Variants in ZNF467 observed in about 807,000 individuals in gnomAD.
ZNF467 encodes the protein zinc finger protein EZI.
In ZNF467, 51 loss-of-function variants were observed where a neutral mutation model predicts 47.8. The observed-to-expected ratio is 1.07, with a 90% CI of 0.85 to 1.35. The LOEUF is 1.35. ZNF467 is among the 40% of genes most tolerant of loss of function. The pLI is 0.00. For synonymous variants in ZNF467, 416 were observed against 372.9 expected (o/e 1.12, Z -1.33); for missense variants, 992 against 858.1 (o/e 1.16, Z -1.95).
intron 1 of ZNF467, 23 bp from the exon 2 acceptor site, chr7:149,771,097 T>C: frequency 6.2e-7 from 1 of 1,609,586 alleles, no homozygotes; most frequent in South Asian, 1.1e-5. Context: ...GACAGCCTTG[T>C]TCAGATTTTT....
In ZNF467 at chr7:149,764,368, G is replaced by A. The variant is rs1799070641; in HGVS notation, c.*346C>T. ...TCATTTAGCAGCCCCAGAACTTTCC[G>A]ATTTTAACTTTAATGAAACTTTAAG... is the stretch of plus-strand genomic sequence containing the variant. On this transcript the variant is annotated 3_prime_UTR_variant, in exon 5 of 5. Coordinates refer to ENST00000302017, the MANE Select transcript of ZNF467 (RefSeq NM_207336.3). 9.0e-6 allele frequency: 5 copies of A among 557,048 alleles called. No homozygotes were observed. The East Asian group carries it at 1.2e-4, about 14-fold the overall frequency. The allele number at this position is 557,048 out of a possible 1,614,324, so 34.5% of individuals were successfully genotyped here.
rs762205958 is a variant in ZNF467, at chr7:149,765,047, C to T, written c.1455G>A (p.Arg485=). 3 of 1,514,204 alleles carry T rather than the reference C, an allele frequency of 2.0e-6. No individual in the cohort carries two copies. The highest frequency in any genetic ancestry group is 2.4e-5 in the South Asian group (2 of 82,264). 93.8% of individuals were successfully genotyped at this position (1,514,204 alleles called of 1,614,324 possible). A position where few individuals can be genotyped will look rare whatever the true frequency, so the allele number is the denominator to read the frequency against. Residue 485 remains arginine, a synonymous_variant, in exon 5 of 5, where the codon AGG becomes AGA. Transcript: ENST00000302017. ...VAHSRAHSGA[R]PFACAQCGRR... is the part of the protein sequence containing the mutation. The stretch of plus-strand genomic sequence containing the variant: ...GGCCGCACTGAGCGCAGGCGAAAGG[C>T]CTGGCGCCGCTGTGGGCCCTGGAGT...
In ZNF467 at chr7:149,769,016, G is replaced by A; in HGVS notation, c.262+74C>T. Reference sequence around the variant, plus strand: ...GGGGGATTACCTGCCTCATGAGATAGCAGCTCCGGAGCTTGCTGGGCCCCG... The same window carrying A: ...GGGGGATTACCTGCCTCATGAGATAACAGCTCCGGAGCTTGCTGGGCCCCG... On this transcript the variant is annotated intron_variant, in intron 4 of 4. Coordinates refer to ENST00000302017, the MANE Select transcript of ZNF467 (RefSeq NM_207336.3). The surrounding 1 kb of genome is among the most constrained non-coding windows in gnomAD (Gnocchi z 5.3). 1.5e-5 allele frequency: 19 copies of A among 1,306,560 alleles called. No individual in the cohort carries two copies. Among genetic ancestry groups the A allele is most frequent in the Non-Finnish European group, 1.9e-5 (18 of 965,898 alleles). The allele number at this position is 1,306,560 out of a possible 1,614,324, so 80.9% of individuals were successfully genotyped here.
rs1192002873 is a variant in ZNF467, at chr7:149,771,049, T to C, written c.-17A>G. 1.2e-6 allele frequency: 2 copies of C among 1,613,832 alleles called. No individual in the cohort carries two copies. The highest frequency in any genetic ancestry group is 1.7e-6 in the Non-Finnish European group (2 of 1,179,926). On this transcript the variant is annotated 5_prime_UTR_variant, in exon 2 of 5. Transcript: ENST00000302017. The stretch of plus-strand genomic sequence containing the variant: ...CTCTCTCATGGTAACCCAGAGTAGC[T>C]CCTCCTGGGGATCAGGCCACAGAAC...
In ZNF467 at chr7:149,765,963, C is replaced by G; in HGVS notation, c.539G>C (p.Arg180Pro). The G allele has an allele frequency of 1.9e-6, 3 of 1,553,498 alleles. No homozygotes were observed. Among genetic ancestry groups the G allele is most frequent in the South Asian group, 1.2e-5 (1 of 85,166 alleles). The change falls in exon 5 of 5, where the codon CGG becomes CCG. Residue 180 changes from arginine (R) to proline (P), a missense_variant. Physicochemically the swap from Arg to Pro is moderately radical, Grantham distance 103 (BLOSUM62 -2). Coordinates refer to ENST00000302017, the MANE Select transcript of ZNF467 (RefSeq NM_207336.3). The part of the protein sequence containing the change: ...RDQLTLRLHQ[R>P]LHRGEGPCAC... The stretch of plus-strand genomic sequence containing the variant: ...GCAGGGGCCCTCGCCCCGGTGCAGC[C>G]GCTGGTGCAGTCGCAACGTCAGCTG...
In ZNF467 at chr7:149,765,165, A is replaced by G; in HGVS notation, c.1337T>C (p.Leu446Pro). 6.0e-6 allele frequency: 9 copies of G among 1,498,914 alleles called. No individual in the cohort carries two copies. Among genetic ancestry groups the G allele is most frequent in the Non-Finnish European group, 7.1e-6 (8 of 1,128,604 alleles). The allele number at this position is 1,498,914 out of a possible 1,614,324, so 92.9% of individuals were successfully genotyped here. A position where few individuals can be genotyped will look rare whatever the true frequency, so the allele number is the denominator to read the frequency against. Residue 446 changes from leucine to proline, a missense_variant, in exon 5 of 5, where the codon CTG (leucine) becomes CCG (proline). Leu to Pro is a moderately conservative substitution (Grantham distance 98). Coordinates refer to ENST00000302017, the MANE Select transcript of ZNF467 (RefSeq NM_207336.3). Reference sequence around the variant, plus strand: ...CGTGTGCACGCGCGGGTGCCGCGCCAGGTGCTGCCCATGGGAGAAGCCGCG... The same window carrying G: ...CGTGTGCACGCGCGGGTGCCGCGCCGGGTGCTGCCCATGGGAGAAGCCGCG... ...CGRGFSHGQH[L>P]ARHPRVHTGE...
upstream of ZNF467, chr7:149,776,057 C>T (rs199876239): frequency 2.7e-3 from 3,664 of 1,365,580 alleles, 10 homozygotes; most frequent in Non-Finnish European, 3.2e-3. Context: ...ACTCCCTGCC[C>T]TCCTCTTTGG....
chr7:149,765,908 C>T lies in ZNF467; in HGVS notation c.594G>A (p.Thr198=). 6.4e-7 allele frequency: 1 copy of T among 1,566,300 alleles called. No homozygotes were observed. Among genetic ancestry groups the T allele is most frequent in the Non-Finnish European group, 8.6e-7 (1 of 1,156,738 alleles). Reference sequence around the variant, plus strand: ...GATGCAGTAGCATGTGGGCGCGCTGCGTGAAGCTGCGGCCGCAGTCCGGGC... The same window carrying T: ...GATGCAGTAGCATGTGGGCGCGCTGTGTGAAGCTGCGGCCGCAGTCCGGGC... ...CACPDCGRSF[T]QRAHMLLHQR... The change falls in exon 5 of 5, where the codon ACG becomes ACA. Residue 198 remains threonine, a synonymous_variant. Transcript: ENST00000302017.
chr7:149,765,980 C>T lies in ZNF467; in HGVS notation c.522G>A (p.Thr174=). 2 of 1,555,516 alleles carry T rather than the reference C, an allele frequency of 1.3e-6. No homozygotes were observed. Among genetic ancestry groups the T allele is most frequent in the Non-Finnish European group, 1.7e-6 (2 of 1,150,396 alleles). ...GGTGCAGCCGCTGGTGCAGTCGCAA[C>T]GTCAGCTGGTCCCGGAAGCGCCGCT... ...ECERRFRDQL[T]LRLHQRLHRG... Residue 174 remains threonine, a synonymous_variant, in exon 5 of 5, where the codon ACG becomes ACA. Coordinates refer to ENST00000302017, the MANE Select transcript of ZNF467 (RefSeq NM_207336.3).
upstream of ZNF467, among the ~76,000 whole-genome samples, chr7:149,774,454 C>A (rs149984718): frequency 3.1e-3 from 476 of 152,236 alleles, 10 homozygotes; most frequent in Admixed American, 0.029. The surrounding 1 kb of genome is among the most constrained non-coding windows in gnomAD (Gnocchi z 5.7). Flanking sequence ...CCCAGTGCTG[C>A]CTGATCAGCC....
rs371817253 is a variant in ZNF467 at position 149,764,886 on chromosome 7, C to A, written c.1616G>T (p.Gly539Val). Residue 539 changes from glycine (G) to valine (V), a missense_variant, in exon 5 of 5, where the codon GGC (glycine) becomes GTC (valine). By Grantham distance (109) the Gly-to-Val change is moderately radical (BLOSUM62 -3). Coordinates refer to ENST00000302017, the MANE Select transcript of ZNF467 (RefSeq NM_207336.3). ...NLVRHQAIHT[G>V]SRPFSCPQCG... ...CTGCGGGCAGGAGAAGGGGCGGGAG[C>A]CTGTGTGGATCGCCTGGTGGCGGAC... 29 of 1,565,072 alleles carry A rather than the reference C, an allele frequency of 1.9e-5. No homozygotes were observed. Among genetic ancestry groups the A allele is most frequent in the Non-Finnish European group, 2.5e-5 (29 of 1,157,566 alleles).
Position 149,764,964 on chromosome 7 carries a change from C to A in ZNF467, c.1538G>T (p.Arg513Leu). The change falls in exon 5 of 5, where the codon CGC becomes CTC. Residue 513 changes from arginine to leucine, a missense_variant. Coordinates refer to ENST00000302017, the MANE Select transcript of ZNF467 (RefSeq NM_207336.3). ...GGCGCAGACGGCGCAGGCGTGGGGG[C>A]GGCTGCCAGTGTGCACCGCCTGGTG... Reference protein sequence around the residue: ...GRHQAVHTGSRPHACAVCARS... With the variant: ...GRHQAVHTGSLPHACAVCARS... 1 of 1,589,658 alleles carries A rather than the reference C, an allele frequency of 6.3e-7. No individual in the cohort carries two copies. The highest frequency in any genetic ancestry group is 1.4e-5 in the African/African-American group (1 of 74,050).
Position 149,766,198 on chromosome 7 carries a change from C to T in ZNF467, c.304G>A (p.Asp102Asn), listed in dbSNP as rs758587802. 1 of 1,539,078 alleles carries T rather than the reference C, an allele frequency of 6.5e-7. No homozygotes were observed. The highest frequency in any genetic ancestry group is 2.3e-5 in the East Asian group (1 of 43,988). The change falls in exon 5 of 5, where the codon GAT becomes AAT. Residue 102 changes from aspartate to asparagine, a missense_variant. Physicochemically the swap from Asp to Asn is conservative, Grantham distance 23 (BLOSUM62 1). Coordinates refer to ENST00000302017, the MANE Select transcript of ZNF467 (RefSeq NM_207336.3). Reference protein sequence around the residue: ...MIRKVKVEDEDQEAEEEVEWP... With the variant: ...MIRKVKVEDENQEAEEEVEWP... The stretch of plus-strand genomic sequence containing the variant: ...TCGACCTCCTCTTCTGCCTCCTGAT[C>T]TTCGTCCTCCACCTTCACCTTCCGA...
intron 4 of ZNF467, among the ~76,000 whole-genome samples, chr7:149,768,580 G>A (rs1799291049): frequency 6.6e-6 from 1 of 152,206 alleles, no homozygotes; most frequent in African/African-American, 2.4e-5. Context: ...TAGTAAGGAT[G>A]GTGGCAGTGG....
chr7:149,774,565 G>A (rs10237158), upstream of ZNF467, among the ~76,000 whole-genome samples: 7,357 of 152,266 alleles, frequency 0.048, 583 homozygotes, highest in African/African-American at 0.16. The surrounding 1 kb of genome is among the most constrained non-coding windows in gnomAD (Gnocchi z 5.7). Context: ...GTGCCTGGAA[G>A]AGCGCCCATC....
chr7:149,775,708 T>TACACACAC (rs3085320), upstream of ZNF467, among the ~76,000 whole-genome samples: 180 of 138,984 alleles, frequency 1.3e-3, 1 homozygote, highest in Middle Eastern at 3.5e-3. Context: ...AGTGTGAAAA[T>TACACACAC]ACACACACAC....
rs921704022 is a variant in ZNF467 at position 149,764,480 on chromosome 7, A to G, written c.*234T>C. ...CTTTCCAACGGGGCACCTGGGTGGG[A>G]GCCTTCCAAGAACTTCAGCTCAGCG... is the stretch of plus-strand genomic sequence containing the variant. On this transcript the variant is annotated 3_prime_UTR_variant, in exon 5 of 5. Coordinates refer to ENST00000302017, the MANE Select transcript of ZNF467 (RefSeq NM_207336.3). 3.0e-5 allele frequency: 23 copies of G among 776,512 alleles called. No homozygotes were observed. Among genetic ancestry groups the G allele is most frequent in the Non-Finnish European group, 4.5e-5 (21 of 461,738 alleles). The allele number at this position is 776,512 out of a possible 1,614,324, so 48.1% of individuals were successfully genotyped here.
Position 149,773,340 on chromosome 7 carries a change from G to C in ZNF467, c.-275C>G, listed in dbSNP as rs980076628. On this transcript the variant is annotated 5_prime_UTR_variant, in exon 1 of 5. Coordinates refer to ENST00000302017, the MANE Select transcript of ZNF467 (RefSeq NM_207336.3). ...AGGAGGGACCGAGGGAGCGGGCGGA[G>C]AGCCCCGGCGCACCGGGCTGGGGGA... 6.6e-6 allele frequency: 1 copy of C among 151,592 alleles called. No homozygotes were observed. The highest frequency in any genetic ancestry group is 2.4e-5 in the African/African-American group (1 of 41,114). 9.4% of individuals were successfully genotyped at this position (151,592 alleles called of 1,614,324 possible).
rs1195430509 is a variant in ZNF467 at position 149,765,866 on chromosome 7, G to A, written c.636C>T (p.Gly212=). 1.2e-6 allele frequency: 2 copies of A among 1,600,278 alleles called. No homozygotes were observed. Among genetic ancestry groups the A allele is most frequent in the Non-Finnish European group, 1.7e-6 (2 of 1,174,054 alleles). Residue 212 remains glycine (G), a synonymous_variant, in exon 5 of 5, where the codon GGC becomes GGT. Coordinates refer to ENST00000302017, the MANE Select transcript of ZNF467 (RefSeq NM_207336.3). ...ACTCGGAGCACGGGAAAGGCCGCTC[G>A]CCGCGGTGGCTGCGCTGATGCAGTA... The part of the protein sequence containing the change: ...HMLLHQRSHR[G]ERPFPCSECD...
Sources: gnomAD v4.1 joint callset for allele counts (sites outside exome capture counted in the v4.1 genomes callset) on GRCh38, gnomAD v4.1.1 for gene constraint, Gnocchi (gnomAD v3.1) non-coding constraint, MANE v1.5 for transcripts, NCBI Gene and HGNC (gene_info 2026-07-23, HGNC 2026-07-21) for gene names.